The following LIMCH1 variants were observed in gnomAD, a reference collection of about 807,000 sequenced individuals.
The protein encoded by LIMCH1 is LIM and calponin homology domains 1, also known as LIM and calponin homology domains-containing protein 1.
In LIMCH1, 113 loss-of-function variants were observed where a neutral mutation model predicts 176.5. The observed-to-expected ratio is 0.64, with a 90% CI of 0.55 to 0.75. The LOEUF (loss-of-function observed/expected upper bound fraction) is 0.75, where lower values mean the gene tolerates loss of function less well. Ranked by LOEUF, LIMCH1 falls within the 30% of genes least tolerant of loss-of-function variation. The pLI is 0.00. For synonymous variants in LIMCH1, 619 were observed against 645.9 expected (o/e 0.96, Z 0.63); for missense variants, 1,674 against 1,814.9 (o/e 0.92, Z 1.41).
chr4:41,419,696 CTTCCT>C (rs1251761088), intron 1 of LIMCH1, among the ~76,000 whole-genome samples: 1 of 108,146 alleles, frequency 9.2e-6, no homozygotes, highest in Admixed American at 1.1e-4. Context: ...TCCTTCCTTC[CTTCCT>C]TCCTTCCTTC....
intron 14 of LIMCH1, among the ~76,000 whole-genome samples, chr4:41,643,653 TA>T (rs1198723672): frequency 1.3e-5 from 2 of 152,198 alleles, no homozygotes; most frequent in Non-Finnish European, 1.5e-5. Context: ...AAGAGTTTTT[TA>T]AAGACTGATT....
chr4:41,547,618 A>G (rs1344419435), intron 1 of LIMCH1, among the ~76,000 whole-genome samples: 2 of 147,308 alleles, frequency 1.4e-5, no homozygotes, highest in African/African-American at 4.9e-5. Context: ...AATAAAATAT[A>G]CAGATATTAT....
chr4:41,428,295 C>T (rs2061299288), intron 1 of LIMCH1, among the ~76,000 whole-genome samples: 1 of 152,142 alleles, frequency 6.6e-6, no homozygotes, highest in Non-Finnish European at 1.5e-5. Flanking sequence ...CACTGTCCCT[C>T]ATCTGTATAA....
At chr4:41,505,352 C>T (rs1191220142) in intron 2 of LIMCH1, among the ~76,000 whole-genome samples, 1 of 152,246 alleles carries the variant, frequency 6.6e-6, no homozygotes, top group South Asian at 2.1e-4. Context: ...TGGCTCGCTC[C>T]CTTGGGCTGC....
intron 1 of LIMCH1, among the ~76,000 whole-genome samples, chr4:41,571,995 A>G (rs185986625): frequency 3.0e-4 from 45 of 152,342 alleles, no homozygotes; most frequent in Admixed American, 2.2e-3. Context: ...TTAATCTCCA[A>G]TGATTTCTAC....
chr4:41,662,652 A>G (rs367917973), intron 19 of LIMCH1, 169 bp from the exon 20 acceptor site: 1 of 659,932 alleles, frequency 1.5e-6, no homozygotes, highest in South Asian at 2.3e-5. Context: ...AGCTTTGGGA[A>G]TTCCAGCATC....
chr4:41,397,366 G>T (rs979304794), intron 1 of LIMCH1, among the ~76,000 whole-genome samples: 1 of 152,094 alleles, frequency 6.6e-6, no homozygotes, highest in Non-Finnish European at 1.5e-5. Flanking sequence ...GTTTGAGACA[G>T]GTTTATTTGT....
At chr4:41,589,392 G>C (rs1584539950) in intron 1 of LIMCH1, among the ~76,000 whole-genome samples, 1 of 152,264 alleles carries the variant, frequency 6.6e-6, no homozygotes, top group African/African-American at 2.4e-5. Context: ...GGGTGGGGGA[G>C]AGCCTTGGAG....
chr4:41,585,443 G>A (rs1283236989), intron 1 of LIMCH1, among the ~76,000 whole-genome samples: 1 of 152,078 alleles, frequency 6.6e-6, no homozygotes, highest in Non-Finnish European at 1.5e-5. Flanking sequence ...TTGTTTATCT[G>A]TTCATCTGCT....
At chr4:41,527,970 A>G (rs2076857418) in intron 3 of LIMCH1, among the ~76,000 whole-genome samples, 1 of 152,198 alleles carries the variant, frequency 6.6e-6, no homozygotes, top group Admixed American at 6.5e-5. Flanking sequence ...GACATTATTG[A>G]GACAATTAGG....
At chr4:41,365,480 A>T (rs984326585) in intron 1 of LIMCH1, among the ~76,000 whole-genome samples, 1 of 152,352 alleles carries the variant, frequency 6.6e-6, no homozygotes, top group Non-Finnish European at 1.5e-5. Context: ...CCAGTAACAT[A>T]TGACTTTTGT....
At position 41,677,906 on chromosome 4, in the gene LIMCH1, T is replaced by C. The variant is rs188585916; in HGVS notation, c.3519+1444T>C. Reference sequence around the variant, plus strand: ...ATTAATTTTGATGACTTTCTGCTGCTTGTAGAAAGCAATGCTTTTTTTGAC... The same window carrying C: ...ATTAATTTTGATGACTTTCTGCTGCCTGTAGAAAGCAATGCTTTTTTTGAC... On this transcript the variant is annotated intron_variant, in intron 23 of 31. Transcript: ENST00000503057. Among the ~76,000 whole-genome samples, 634 of 152,306 alleles carry C rather than the reference T, an allele frequency of 4.2e-3. 9 individuals are homozygous for C. The highest frequency in any genetic ancestry group is 0.014 in the African/African-American group (590 of 41,572).
Position 41,692,262 on chromosome 4 carries a change from C to G in LIMCH1, c.4276-20C>G. 7.1e-7 allele frequency: 1 copy of G among 1,413,088 alleles called. No individual in the cohort carries two copies. The highest frequency in any genetic ancestry group is 1.0e-6 in the Non-Finnish European group (1 of 996,818). The allele number at this position is 1,413,088 out of a possible 1,614,324, so 87.5% of individuals were successfully genotyped here. On this transcript the variant is annotated intron_variant, in intron 30 of 31. Coordinates refer to ENST00000503057, the MANE Select transcript of LIMCH1 (RefSeq NM_001330672.2). ...CAATTCCTTATGCATCTTATGATGT[C>G]TGTTCTTTTTACCCTATAGTGTGGA...
chr4:41,600,854 C>T (rs574903581), intron 2 of LIMCH1, among the ~76,000 whole-genome samples: 29 of 152,206 alleles, frequency 1.9e-4, no homozygotes, highest in African/African-American at 5.3e-4. Flanking sequence ...GAAAATGTCA[C>T]GTAGGCAAGT....
chr4:41,640,192 A>C (rs2093761632), intron 14 of LIMCH1, among the ~76,000 whole-genome samples: 3 of 152,192 alleles, frequency 2.0e-5, no homozygotes, highest in Non-Finnish European at 4.4e-5. Context: ...TAGTCTGTAA[A>C]ATTGAGCCCT....
chr4:41,577,267 G>A (rs374761658), intron 1 of LIMCH1, among the ~76,000 whole-genome samples: 7 of 152,172 alleles, frequency 4.6e-5, no homozygotes, highest in Non-Finnish European at 7.4e-5. Context: ...CAGTATACCC[G>A]TTTCTGTACT....
At chr4:41,634,246 G>C (rs1030885645) in intron 13 of LIMCH1, among the ~76,000 whole-genome samples, 1 of 152,166 alleles carries the variant, frequency 6.6e-6, no homozygotes, top group Non-Finnish European at 1.5e-5. Flanking sequence ...TCCATGCTCT[G>C]ACTTGACTTA....
In LIMCH1 at chr4:41,695,300, A is replaced by G. The variant is rs114095235; in HGVS notation, c.4379-1860A>G. Among the ~76,000 whole-genome samples the G allele has an allele frequency of 9.6e-3, 1,450 of 151,290 alleles. 20 individuals carry two copies. The highest frequency in any genetic ancestry group is 0.034 in the African/African-American group (1,399 of 41,406). Reference sequence around the variant, plus strand: ...ACTCTCATTTAAAGTGTATAAATAAATTTAGCTGAGATTTCTTCTAGAATT... The same window carrying G: ...ACTCTCATTTAAAGTGTATAAATAAGTTTAGCTGAGATTTCTTCTAGAATT... On this transcript the variant is annotated intron_variant, in intron 31 of 31. Coordinates refer to ENST00000503057, the MANE Select transcript of LIMCH1 (RefSeq NM_001330672.2).
At chr4:41,664,924 T>G (rs1185522747) in intron 20 of LIMCH1, among the ~76,000 whole-genome samples, 3 of 152,242 alleles carry the variant, frequency 2.0e-5, no homozygotes, top group African/African-American at 7.2e-5. Context: ...TACACAGGAT[T>G]ACCAAGTTAT....
Sources: gnomAD v4.1 joint callset for allele counts (sites outside exome capture counted in the v4.1 genomes callset) on GRCh38, gnomAD v4.1.1 for gene constraint, MANE v1.5 for transcripts, NCBI Gene and HGNC (gene_info 2026-07-23, HGNC 2026-07-21) for gene names.